The following CTNNA3 variants were observed in gnomAD, a reference collection of about 807,000 sequenced individuals.
CTNNA3 encodes catenin alpha 3, also known as catenin alpha-3.
In CTNNA3, 76 loss-of-function variants were observed where a neutral mutation model predicts 95.7. The observed-to-expected ratio is 0.79, with a 90% CI of 0.66 to 0.96. The LOEUF (loss-of-function observed/expected upper bound fraction) is 0.96, where lower values mean the gene tolerates loss of function less well. Ranked by LOEUF, CTNNA3 falls within the 40% of genes least tolerant of loss-of-function variation. CTNNA3 has a pLI of 0.00. For synonymous variants in CTNNA3, 431 were observed against 374.4 expected (o/e 1.15, Z -1.74); for missense variants, 1,191 against 1,089.8 (o/e 1.09, Z -1.31).
intron 7 of CTNNA3, among the ~76,000 whole-genome samples, chr10:67,079,701 A>G (rs1016902794): frequency 2.6e-5 from 4 of 152,114 alleles, no homozygotes; most frequent in Admixed American, 2.6e-4. Context: ...TGCAAAAACT[A>G]GCCAGGCGTG....
In CTNNA3 at chr10:66,266,009, G is replaced by T. The variant is rs1320953667; in HGVS notation, c.1884+14461C>A. Among the ~76,000 whole-genome samples the T allele has an allele frequency of 3.5e-5, 5 of 142,858 alleles. No homozygotes were observed. The South Asian group carries it at 1.1e-3, about 32-fold the overall frequency. 93.7% of individuals were successfully genotyped at this position (142,858 alleles called of 152,430 possible). A position where few individuals can be genotyped will look rare whatever the true frequency, so the allele number is the denominator to read the frequency against. On this transcript the variant is annotated intron_variant, in intron 13 of 17. Coordinates refer to ENST00000433211, the MANE Select transcript of CTNNA3 (RefSeq NM_013266.4). Reference sequence around the variant, plus strand: ...TAAGTGAATAAAAAGACAATAAATGGATAAAAGAAAAAGAAAGAAAGGAAG... The same window carrying T: ...TAAGTGAATAAAAAGACAATAAATGTATAAAAGAAAAAGAAAGAAAGGAAG...
intron 8 of CTNNA3, among the ~76,000 whole-genome samples, chr10:66,768,976 G>T (rs1465528418): frequency 3.3e-5 from 5 of 151,636 alleles, no homozygotes; most frequent in African/African-American, 4.9e-5. Flanking sequence ...TAAAGACAGT[G>T]AGTATAAACT....
chr10:66,115,699 CA>C (rs2082318061), intron 13 of CTNNA3, among the ~76,000 whole-genome samples: 1 of 152,038 alleles, frequency 6.6e-6, no homozygotes, highest in African/African-American at 2.4e-5. Context: ...ATAGTATCAA[CA>C]ATCCTAACCA....
At chr10:67,002,153 C>T (rs1589581104) in intron 7 of CTNNA3, among the ~76,000 whole-genome samples, 1 of 152,182 alleles carries the variant, frequency 6.6e-6, no homozygotes, top group Admixed American at 6.5e-5. Context: ...GGATTCAATT[C>T]ACTAATTTCC....
intron 9 of CTNNA3, among the ~76,000 whole-genome samples, chr10:66,738,158 A>G (rs907954695): frequency 6.6e-6 from 1 of 152,160 alleles, no homozygotes; most frequent in Non-Finnish European, 1.5e-5. Flanking sequence ...GACTTTGATT[A>G]TTCTTTTTGG....
rs369692152 is a variant in CTNNA3, at chr10:66,157,446, TGATAGATA to T, written c.1885-54205_1885-54198del. The stretch of plus-strand genomic sequence containing the variant: ...GTAGGTAGGTAGATAGATAGATAGA[TGATAGATA>T]GATAGATAGATAGACAGATGATAGA... On this transcript the variant is annotated intron_variant, in intron 13 of 17. Transcript: ENST00000433211. Among the ~76,000 whole-genome samples, 801 of 151,144 alleles carry T rather than the reference TGATAGATA, an allele frequency of 5.3e-3. 3 individuals are homozygous for T. Among genetic ancestry groups the T allele is most frequent in the African/African-American group, 0.019 (769 of 41,150 alleles).
intron 5 of CTNNA3, among the ~76,000 whole-genome samples, chr10:67,226,904 G>A (rs1864943716): frequency 6.6e-6 from 1 of 152,094 alleles, no homozygotes; most frequent in Non-Finnish European, 1.5e-5. Flanking sequence ...TACTAACACA[G>A]AATGTAAATG....
chr10:67,671,552 T>C (rs1193290860), intron 1 of CTNNA3, among the ~76,000 whole-genome samples: 1 of 149,304 alleles, frequency 6.7e-6, no homozygotes, highest in Non-Finnish European at 1.5e-5. Flanking sequence ...ATATTCCCCT[T>C]CCTGTGTCCA....
At chr10:66,486,929 A>C (rs10997172) in intron 11 of CTNNA3, among the ~76,000 whole-genome samples, 1 of 152,106 alleles carries the variant, frequency 6.6e-6, no homozygotes, top group Non-Finnish European at 1.5e-5. Flanking sequence ...CATTATGCTA[A>C]GTGACATAAG....
At chr10:66,689,862 T>A (rs955736362) in intron 9 of CTNNA3, among the ~76,000 whole-genome samples, 1 of 152,164 alleles carries the variant, frequency 6.6e-6, no homozygotes, top group African/African-American at 2.4e-5. Context: ...CAGCTGGGAT[T>A]TCACAGTATT....
At chr10:66,959,114 TCTG>T (rs1186932272) in intron 7 of CTNNA3, among the ~76,000 whole-genome samples, 1 of 152,174 alleles carries the variant, frequency 6.6e-6, no homozygotes, top group Admixed American at 6.5e-5. Context: ...CTATCTTCAG[TCTG>T]CTGCTATTTT....
At chr10:67,037,889 T>C (rs1854161442) in intron 7 of CTNNA3, among the ~76,000 whole-genome samples, 1 of 152,098 alleles carries the variant, frequency 6.6e-6, no homozygotes. Flanking sequence ...GAGAGGTTGA[T>C]AGATTTAAAA....
At chr10:66,940,559 C>T (rs1318189017) in intron 7 of CTNNA3, among the ~76,000 whole-genome samples, 1 of 152,146 alleles carries the variant, frequency 6.6e-6, no homozygotes, top group African/African-American at 2.4e-5. Context: ...TATAATTAAT[C>T]ATAGAAGCAA....
At chr10:67,093,012 A>G (rs1411385105) in intron 7 of CTNNA3, among the ~76,000 whole-genome samples, 3 of 152,056 alleles carry the variant, frequency 2.0e-5, no homozygotes, top group Non-Finnish European at 4.4e-5. Flanking sequence ...AATCTCCACA[A>G]TTCATAGCCT....
chr10:66,634,540 A>C (rs564882771), intron 9 of CTNNA3, among the ~76,000 whole-genome samples: 1 of 150,998 alleles, frequency 6.6e-6, no homozygotes, highest in Non-Finnish European at 1.5e-5. Flanking sequence ...ATGAATTTAA[A>C]TTCAACATGT....
intron 9 of CTNNA3, among the ~76,000 whole-genome samples, chr10:66,713,011 T>C (rs1262737977): frequency 6.6e-6 from 1 of 152,098 alleles, no homozygotes; most frequent in Non-Finnish European, 1.5e-5. Context: ...GTTACTAGTA[T>C]ACTAAGACCT....
intron 10 of CTNNA3, among the ~76,000 whole-genome samples, chr10:66,613,760 C>T (rs1279044336): frequency 1.3e-5 from 2 of 151,838 alleles, no homozygotes; most frequent in South Asian, 2.1e-4. Flanking sequence ...TGTGCCATTC[C>T]CTGAAGTGAA....
At chr10:67,585,743 T>C (rs77695598) in intron 3 of CTNNA3, among the ~76,000 whole-genome samples, 2,121 of 152,228 alleles carry the variant, frequency 0.014, 54 homozygotes, top group African/African-American at 0.048. Context: ...TAGCTAGCAG[T>C]TTATCAATTT....
chr10:66,231,407 T>C (rs2089584042), intron 13 of CTNNA3, among the ~76,000 whole-genome samples: 1 of 152,208 alleles, frequency 6.6e-6, no homozygotes. Context: ...TGCTTTTTTT[T>C]CCTTTGATGA....
Sources: gnomAD v4.1 joint callset for allele counts (sites outside exome capture counted in the v4.1 genomes callset) on GRCh38, gnomAD v4.1.1 for gene constraint, MANE v1.5 for transcripts, NCBI Gene and HGNC (gene_info 2026-07-23, HGNC 2026-07-21) for gene names.